The following PLSCR4 variants were observed in gnomAD, a reference collection of about 807,000 sequenced individuals.
PLSCR4 encodes the protein phospholipid scramblase 4.
Under a neutral mutation model 36.3 loss-of-function variants are expected in PLSCR4, and 25 were observed. The observed-to-expected ratio is 0.69, with a 90% CI of 0.50 to 0.96. PLSCR4 has a LOEUF of 0.96. Ranked by LOEUF, PLSCR4 falls within the 40% of genes least tolerant of loss-of-function variation. The probability of loss-of-function intolerance (pLI) is 0.00; values close to 1 mark genes in which losing one functional copy is unlikely to be tolerated. For synonymous variants in PLSCR4, 122 were observed against 132.9 expected, an observed-to-expected ratio of 0.92 and a Z score of 0.56; for missense variants, 408 against 414.7, an observed-to-expected ratio of 0.98 and a Z score of 0.14.
At chr3:146,221,295 G>A (rs1310652781) in intron 2 of PLSCR4, among the ~76,000 whole-genome samples, 1 of 152,140 alleles carries the variant, frequency 6.6e-6, no homozygotes, top group Non-Finnish European at 1.5e-5. Flanking sequence ...CATTTATAGA[G>A]TGAAGTTGAT....
intron 3 of PLSCR4, among the ~76,000 whole-genome samples, chr3:146,211,308 G>A (rs1253352025): frequency 6.6e-6 from 1 of 151,960 alleles, no homozygotes; most frequent in African/African-American, 2.4e-5. Context: ...TACTAATGAT[G>A]TTCAGCATCT....
At chr3:146,212,678 C>G (rs1279477614) in intron 3 of PLSCR4, among the ~76,000 whole-genome samples, 2 of 151,930 alleles carry the variant, frequency 1.3e-5, no homozygotes, top group South Asian at 2.1e-4. Flanking sequence ...GGTTTTGTTT[C>G]TTTCTTTCAA....
At chr3:146,209,726 C>G (rs1483949168) in intron 3 of PLSCR4, among the ~76,000 whole-genome samples, 1 of 151,998 alleles carries the variant, frequency 6.6e-6, no homozygotes, top group Non-Finnish European at 1.5e-5. Context: ...TCTTGGTTGT[C>G]TACCCAGAAA....
At chr3:146,225,035 C>T (rs2035385564) in intron 1 of PLSCR4, among the ~76,000 whole-genome samples, 1 of 150,248 alleles carries the variant, frequency 6.7e-6, no homozygotes, top group Non-Finnish European at 1.5e-5. Context: ...AAACCTTGAG[C>T]TAAATACAGA....
At chr3:146,233,096 T>G (rs1463732341) in intron 1 of PLSCR4, among the ~76,000 whole-genome samples, 1 of 152,130 alleles carries the variant, frequency 6.6e-6, no homozygotes, top group East Asian at 1.9e-4. Flanking sequence ...TAAAAGCTTT[T>G]TTATCATTAG....
intron 1 of PLSCR4, among the ~76,000 whole-genome samples, chr3:146,230,237 T>C (rs58681620): frequency 0.017 from 2,538 of 152,292 alleles, 77 homozygotes; most frequent in African/African-American, 0.057. Flanking sequence ...CAACGGTACA[T>C]ACACATACAT....
chr3:146,248,687 T>C (rs940091498), intron 1 of PLSCR4, among the ~76,000 whole-genome samples: 2 of 152,200 alleles, frequency 1.3e-5, no homozygotes, highest in African/African-American at 4.8e-5. Flanking sequence ...GTTTTCTACA[T>C]TGTAAACAAT....
chr3:146,221,980 G>GAAATAAAGT (rs1435030620), intron 2 of PLSCR4, 85 bp downstream of exon 2: 2 of 667,002 alleles, frequency 3.0e-6, no homozygotes, highest in Non-Finnish European at 4.7e-6. Context: ...AAAAAAAATC[G>GAAATAAAGT]AAATAAAGTC....
At chr3:146,231,235 A>G (rs1353582794) in intron 1 of PLSCR4, among the ~76,000 whole-genome samples, 1 of 152,150 alleles carries the variant, frequency 6.6e-6, no homozygotes, top group East Asian at 1.9e-4. Context: ...TCCAAGGAGT[A>G]TATGTACCAT....
intron 4 of PLSCR4, among the ~76,000 whole-genome samples, chr3:146,205,079 C>G (rs2034250401): frequency 1.3e-5 from 2 of 151,916 alleles, no homozygotes. Flanking sequence ...AGAGAAATGA[C>G]AGAACTCGAG....
chr3:146,199,170 T>TA (rs2033905124), intron 6 of PLSCR4, among the ~76,000 whole-genome samples: 1 of 152,170 alleles, frequency 6.6e-6, no homozygotes, highest in South Asian at 2.1e-4. Flanking sequence ...TCAAACAGGT[T>TA]AATTAAATTT....
intron 4 of PLSCR4, among the ~76,000 whole-genome samples, chr3:146,202,921 C>T (rs1418389099): frequency 2.6e-5 from 4 of 152,044 alleles, no homozygotes; most frequent in South Asian, 2.1e-4. Context: ...AATTCAGTCA[C>T]ATCTGCAGGT....
At chr3:146,215,633 A>G (rs574880663) in intron 3 of PLSCR4, among the ~76,000 whole-genome samples, 1 of 151,814 alleles carries the variant, frequency 6.6e-6, no homozygotes, top group African/African-American at 2.4e-5. Context: ...ATATGTATGT[A>G]TATGTTTTTT....
chr3:146,247,454 TTTTA>T (rs1431640192), intron 1 of PLSCR4, among the ~76,000 whole-genome samples: 5 of 152,318 alleles, frequency 3.3e-5, no homozygotes, highest in Non-Finnish European at 7.4e-5. Flanking sequence ...GCTGAGCCAC[TTTTA>T]TTATTTGTTT....
intron 3 of PLSCR4, among the ~76,000 whole-genome samples, chr3:146,211,558 A>T (rs2034622438): frequency 6.6e-6 from 1 of 152,052 alleles, no homozygotes; most frequent in Non-Finnish European, 1.5e-5. Context: ...TATGAAGTCC[A>T]ATTTATTTTT....
At position 146,220,858 on chromosome 3, in the gene PLSCR4, T is replaced by C. The variant is rs999598526; in HGVS notation, c.75A>G (p.Pro25=). 2 of 1,613,684 alleles carry C rather than the reference T, an allele frequency of 1.2e-6. No individual in the cohort carries two copies. Among genetic ancestry groups the C allele is most frequent in the Non-Finnish European group, 1.7e-6 (2 of 1,179,696 alleles). The change falls in exon 3 of 9, where the codon CCA becomes CCG. Residue 25 remains proline, a synonymous_variant. Coordinates refer to ENST00000354952, the MANE Select transcript of PLSCR4 (RefSeq NM_020353.3). ...EMENQTKPPD[P]RPDAPPEYNS... ...TGTATTCAGGAGGAGCATCAGGCCT[T>C]GGATCTGGTGGTTTTGTTTGATTTT...
chr3:146,221,064 G>C, intron 2 of PLSCR4, 139 bp from the exon 3 acceptor site: 1 of 543,440 alleles, frequency 1.8e-6, no homozygotes, highest in Non-Finnish European at 3.2e-6. Context: ...TTTAAAGAAA[G>C]AATTCATCAT....
chr3:146,219,098 A>T (rs765863887), intron 3 of PLSCR4, among the ~76,000 whole-genome samples: 2 of 152,212 alleles, frequency 1.3e-5, no homozygotes, highest in Non-Finnish European at 2.9e-5. Flanking sequence ...CCAGGTGGCG[A>T]TCAGAGCGAA....
chr3:146,239,552 C>T (rs2036061080), intron 1 of PLSCR4, among the ~76,000 whole-genome samples: 2 of 146,886 alleles, frequency 1.4e-5, no homozygotes, highest in South Asian at 2.1e-4. Context: ...TGGACCCCTA[C>T]AATACCCAAT....
Sources: gnomAD v4.1 joint callset for allele counts (sites outside exome capture counted in the v4.1 genomes callset) on GRCh38, gnomAD v4.1.1 for gene constraint, MANE v1.5 for transcripts, NCBI Gene and HGNC (gene_info 2026-07-23, HGNC 2026-07-21) for gene names.